SHPRH: variants seen among roughly 807,000 people sequenced by gnomAD.
The protein encoded by SHPRH is SNF2 histone linker PHD RING helicase, also known as E3 ubiquitin-protein ligase SHPRH.
A neutral mutation model predicts 202.5 loss-of-function variants in SHPRH; 106 were observed. That is an observed-to-expected ratio of 0.52 (90% CI 0.45 to 0.62). The LOEUF (loss-of-function observed/expected upper bound fraction) is 0.62. Ranked by LOEUF, SHPRH falls within the 20% of genes least tolerant of loss-of-function variation. The probability of loss-of-function intolerance (pLI) is 0.00; values close to 1 mark genes in which losing one functional copy is unlikely to be tolerated. For missense variants in SHPRH, 1,710 were observed against 2,020.0 expected (o/e 0.85, Z 2.94); for synonymous variants, 729 against 686.0 (o/e 1.06, Z -0.98).
chr6:145,903,097 A>G (rs1357939461), intron 25 of SHPRH, among the ~76,000 whole-genome samples: 2 of 152,014 alleles, frequency 1.3e-5, no homozygotes, highest in African/African-American at 4.8e-5. Context: ...AACAAAAAAT[A>G]TACAACTGCA....
At chr6:145,960,924 C>T (rs1280039038) in intron 1 of SHPRH, among the ~76,000 whole-genome samples, 1 of 152,010 alleles carries the variant, frequency 6.6e-6, no homozygotes, top group Non-Finnish European at 1.5e-5. Flanking sequence ...CACCTTAGAT[C>T]ATCAGGCATT....
intron 2 of SHPRH, among the ~76,000 whole-genome samples, chr6:145,867,629 T>TAGAGAGAG (rs1269534768): frequency 3.1e-3 from 134 of 43,876 alleles, no homozygotes; most frequent in Non-Finnish European, 4.2e-3. Flanking sequence ...TATATATATA[T>TAGAGAGAG]ATAGAGAGAG....
intron 6 of SHPRH, among the ~76,000 whole-genome samples, chr6:145,947,012 T>C (rs1396905185): frequency 3.9e-5 from 6 of 152,052 alleles, no homozygotes; most frequent in African/African-American, 1.4e-4. Flanking sequence ...TTAAACACAA[T>C]TATGTATTTT....
In SHPRH at chr6:145,921,243, T is replaced by C. The variant is rs746933992; in HGVS notation, c.3932A>G (p.His1311Arg). 6 of 1,612,874 alleles carry C rather than the reference T, an allele frequency of 3.7e-6. No individual in the cohort carries two copies. The highest frequency in any genetic ancestry group is 1.1e-5 in the South Asian group (1 of 91,066). The change falls in exon 21 of 30, where the codon CAT (histidine) becomes CGT (arginine). Residue 1311 changes from histidine to arginine, a missense_variant. His to Arg is a conservative substitution (Grantham distance 29). Transcript: ENST00000275233. ...ATCAACAAATTCAACATCAAACCTA[T>C]GTGATTTTGCAAATGATAGTATTGC... ...MKAILSFAKSHRFDVEFVDEG... is the reference protein window; with the variant it reads ...MKAILSFAKSRRFDVEFVDEG...
rs1780895542 is a variant in SHPRH, at chr6:145,885,225, A to C, written c.*1466T>G. On this transcript the variant is annotated 3_prime_UTR_variant, in exon 30 of 30. Transcript: ENST00000275233. ...GATTGTTGGGTAAATTAAACACGTA[A>C]ATGTACATGAAAGCTCTTTTTAATA... 6.6e-6 allele frequency: 1 copy of C among 152,238 alleles called. No individual in the cohort carries two copies. The highest frequency in any genetic ancestry group is 2.1e-4 in the South Asian group (1 of 4,834). 9.4% of individuals were successfully genotyped at this position (152,238 alleles called of 1,614,324 possible).
intron 25 of SHPRH, among the ~76,000 whole-genome samples, chr6:145,900,804 AGT>A (rs1782439655): frequency 6.6e-6 from 1 of 152,094 alleles, no homozygotes; most frequent in Non-Finnish European, 1.5e-5. Context: ...AAATTATTAT[AGT>A]GTCTTTTAAA....
At chr6:145,921,541 T>G (rs1373617193) in intron 20 of SHPRH, 149 bp from the exon 21 acceptor site, 2 of 60,116 alleles carry the variant, frequency 3.3e-5, no homozygotes, top group Non-Finnish European at 5.1e-5. Context: ...ATTTGGCCAG[T>G]TTTTTTTTTT....
At chr6:145,941,940 C>A in intron 9 of SHPRH, 66 bp from the exon 10 acceptor site, 1 of 1,557,954 alleles carries the variant, frequency 6.4e-7, no homozygotes, top group South Asian at 1.2e-5. Flanking sequence ...AATATTCACT[C>A]ATTTATACCC....
intron 25 of SHPRH, chr6:145,905,901 C>T (rs1782919353): frequency 6.6e-6 from 1 of 151,976 alleles, no homozygotes; most frequent in Admixed American, 6.6e-5. Context: ...AATTTTTCTC[C>T]TTTCACTCCT....
At chr6:145,952,587 C>T (rs1364693936) in intron 2 of SHPRH, 109 bp from the exon 3 acceptor site, 11 of 974,470 alleles carry the variant, frequency 1.1e-5, no homozygotes, top group Non-Finnish European at 1.6e-5. Flanking sequence ...GTATTCATAG[C>T]ATGTGTGACA....
intron 23 of SHPRH, among the ~76,000 whole-genome samples, chr6:145,913,869 A>G (rs1285656030): frequency 6.6e-6 from 1 of 152,144 alleles, no homozygotes; most frequent in Non-Finnish European, 1.5e-5. Flanking sequence ...ATCAAGGTAA[A>G]TGTTCACTGG....
chr6:145,920,534 A>G (rs1283782299), intron 21 of SHPRH, among the ~76,000 whole-genome samples: 1 of 150,578 alleles, frequency 6.6e-6, no homozygotes. Flanking sequence ...TTAAAAAGCA[A>G]GACTTTTTAA....
intron 27 of SHPRH, 43 bp downstream of exon 27, chr6:145,894,107 C>T (rs375347805): frequency 1.4e-6 from 2 of 1,467,200 alleles, no homozygotes; most frequent in Non-Finnish European, 1.9e-6. Flanking sequence ...TTTAAATTTG[C>T]AACTGTATCC....
intron 14 of SHPRH, among the ~76,000 whole-genome samples, chr6:145,928,181 G>A (rs377196998): frequency 2.6e-5 from 4 of 151,978 alleles, no homozygotes; most frequent in African/African-American, 4.8e-5. Context: ...TGATAGTTGC[G>A]CAGAGATCTT....
chr6:145,926,269 C>A lies in SHPRH; in HGVS notation c.3229G>T (p.Glu1077Ter). The A allele has an allele frequency of 6.2e-7, 1 of 1,612,768 alleles. No homozygotes were observed. The highest frequency in any genetic ancestry group is 8.5e-7 in the Non-Finnish European group (1 of 1,179,156). Reference protein sequence around the residue: ...QRLHATHNLMELLIARHPGIP... With the variant: ...QRLHATHNLM ...CCTGGGTGCCTGGCTATCAACAATT[C>A]CATCAAGTTATGGGTAGCATGAAGT... Residue 1077 changes from glutamate (E) to a stop codon, truncating the protein, a stop_gained, in exon 16 of 30, where the codon GAA becomes TAA. Transcript: ENST00000275233. LOFTEE classifies it high-confidence loss of function.
Position 145,950,456 on chromosome 6 carries a change from G to C in SHPRH, c.790C>G (p.Pro264Ala). 1 of 1,612,886 alleles carries C rather than the reference G, an allele frequency of 6.2e-7. No individual in the cohort carries two copies. The highest frequency in any genetic ancestry group is 8.5e-7 in the Non-Finnish European group (1 of 1,179,256). The stretch of plus-strand genomic sequence containing the variant: ...TCTTGTCCCTCTGGCTCACTCTCCG[G>C]ATCATCTTCATCCTCTTCCAACACA... The part of the protein sequence containing the change: ...PDVLEEDEDD[P>A]ESEPEGQDID... Residue 264 changes from proline (P) to alanine (A), a missense_variant, in exon 4 of 30, where the codon CCG (proline) becomes GCG (alanine). This residue lies in a region of SHPRH where 459 missense variants were observed against 426.5 expected (regional missense o/e 1.08). Coordinates refer to ENST00000275233, the MANE Select transcript of SHPRH (RefSeq NM_001042683.3).
intron 22 of SHPRH, 61 bp downstream of exon 22, chr6:145,919,287 G>A (rs781612029): frequency 6.3e-6 from 10 of 1,599,154 alleles, no homozygotes; most frequent in East Asian, 2.2e-5. Flanking sequence ...TTTTCTATGG[G>A]TCTTAGATAT....
intron 2 of SHPRH, among the ~76,000 whole-genome samples, chr6:145,868,520 TTTTTATTAGGAAG>T (rs1779906884): frequency 6.6e-6 from 1 of 152,172 alleles, no homozygotes; most frequent in South Asian, 2.1e-4. Flanking sequence ...TGAATGTTAT[TTTTTATTAGGAAG>T]TTTTAATAGG....
intron 2 of SHPRH, among the ~76,000 whole-genome samples, chr6:145,868,316 C>G (rs779037484): frequency 4.6e-5 from 7 of 152,126 alleles, no homozygotes; most frequent in Admixed American, 6.5e-5. Flanking sequence ...CCTCAACGTA[C>G]AACTTTTTTG....
Sources: gnomAD v4.1 joint callset for allele counts (sites outside exome capture counted in the v4.1 genomes callset) on GRCh38, gnomAD v4.1.1 for gene constraint, gnomAD v4.1.1 regional missense constraint, MANE v1.5 for transcripts, NCBI Gene and HGNC (gene_info 2026-07-23, HGNC 2026-07-21) for gene names.